Variants in GFRA2 observed in about 807,000 individuals in gnomAD.
The protein encoded by GFRA2 is GDNF family receptor alpha-2.
Under a neutral mutation model 48.3 loss-of-function variants are expected in GFRA2, and 17 were observed. The ratio of observed to expected loss-of-function variants is 0.35; its 90% CI spans 0.24 to 0.53. The LOEUF is 0.53. Ranked by LOEUF, GFRA2 falls within the 20% of genes least tolerant of loss-of-function variation. GFRA2 has a pLI of 0.93. For missense variants in GFRA2, 660 were observed against 637.3 expected (o/e 1.04, Z -0.38); for synonymous variants, 305 against 257.2 (o/e 1.19, Z -1.78).
intron 2 of GFRA2, among the ~76,000 whole-genome samples, chr8:21,800,502 C>T (rs1244814922): frequency 6.6e-6 from 1 of 152,250 alleles, no homozygotes; most frequent in Non-Finnish European, 1.5e-5. Flanking sequence ...TCTAACCCAT[C>T]TGCAAGTCCT....
intron 4 of GFRA2, among the ~76,000 whole-genome samples, chr8:21,725,833 G>A (rs1336087189): frequency 6.6e-6 from 1 of 152,222 alleles, no homozygotes; most frequent in Non-Finnish European, 1.5e-5. Context: ...TGTTGGGGCT[G>A]CTGTTCCAAC....
At chr8:21,786,235 G>A (rs1421746302) in intron 1 of GFRA2, among the ~76,000 whole-genome samples, 3 of 152,170 alleles carry the variant, frequency 2.0e-5, no homozygotes. Flanking sequence ...AGGAACCCCA[G>A]CCACTTCTGA....
At chr8:21,803,502 G>A (rs1430758095) in intron 2 of GFRA2, among the ~76,000 whole-genome samples, 4 of 152,046 alleles carry the variant, frequency 2.6e-5, no homozygotes, top group Non-Finnish European at 5.9e-5. Context: ...GCAATTCCTG[G>A]GCTACAGGAC....
intron 3 of GFRA2, among the ~76,000 whole-genome samples, chr8:21,760,091 T>A (rs1805826823): frequency 6.6e-6 from 1 of 151,980 alleles, no homozygotes. Context: ...ACGTTCCTAA[T>A]CAAAAGGAAG....
intron 4 of GFRA2, among the ~76,000 whole-genome samples, chr8:21,725,349 T>TCAAGAGGG (rs998505463): frequency 3.9e-5 from 6 of 152,122 alleles, no homozygotes; most frequent in Admixed American, 1.3e-4. Flanking sequence ...CTCGGTGGCT[T>TCAAGAGGG]CAAGAGGGCA....
At chr8:21,709,812 G>A (rs923362533) in intron 4 of GFRA2, among the ~76,000 whole-genome samples, 2 of 152,144 alleles carry the variant, frequency 1.3e-5, no homozygotes, top group Non-Finnish European at 1.5e-5. Context: ...TCAGGACCTC[G>A]ACTGGCCTCA....
intron 4 of GFRA2, among the ~76,000 whole-genome samples, chr8:21,707,455 C>A (rs975574696): frequency 6.6e-6 from 1 of 152,176 alleles, no homozygotes; most frequent in Non-Finnish European, 1.5e-5. Flanking sequence ...TGAGGGGGCC[C>A]CCACCATGCA....
intron 2 of GFRA2, among the ~76,000 whole-genome samples, chr8:21,777,105 C>A (rs922559053): frequency 2.4e-4 from 36 of 152,158 alleles, no homozygotes; most frequent in African/African-American, 7.5e-4. Flanking sequence ...TAAGGAGGAA[C>A]AAGGAGCACA....
intron 3 of GFRA2, among the ~76,000 whole-genome samples, chr8:21,758,844 C>G (rs977565484): frequency 6.6e-6 from 1 of 152,104 alleles, no homozygotes; most frequent in African/African-American, 2.4e-5. Flanking sequence ...AAGGAGCCCA[C>G]TCTGGTACTG....
At chr8:21,798,733 G>C (rs1025904295) in intron 2 of GFRA2, among the ~76,000 whole-genome samples, 3 of 152,194 alleles carry the variant, frequency 2.0e-5, no homozygotes, top group Non-Finnish European at 4.4e-5. Context: ...TTCGCTATCT[G>C]TTTCAGGATG....
chr8:21,756,895 C>G (rs989193857), intron 3 of GFRA2, among the ~76,000 whole-genome samples: 7 of 152,160 alleles, frequency 4.6e-5, no homozygotes, highest in African/African-American at 1.7e-4. Flanking sequence ...GAACTCAACA[C>G]GTGCTCCAGC....
At chr8:21,769,845 C>T (rs972758188) in intron 3 of GFRA2, among the ~76,000 whole-genome samples, 12 of 152,124 alleles carry the variant, frequency 7.9e-5, no homozygotes, top group Non-Finnish European at 1.8e-4. Flanking sequence ...CAAGGGGTAG[C>T]GTTTGAGTGC....
At chr8:21,698,033 A>G (rs1474412530) in intron 7 of GFRA2, among the ~76,000 whole-genome samples, 1 of 152,210 alleles carries the variant, frequency 6.6e-6, no homozygotes, top group Non-Finnish European at 1.5e-5. Context: ...CCTTCACAGC[A>G]GACGAATACA....
chr8:21,796,706 C>T (rs1476021216), intron 2 of GFRA2, among the ~76,000 whole-genome samples: 1 of 152,236 alleles, frequency 6.6e-6, no homozygotes, highest in Non-Finnish European at 1.5e-5. Flanking sequence ...TCCTTCCCCC[C>T]ACTGTCCCCA....
At chr8:21,716,041 G>A (rs951511478) in intron 4 of GFRA2, among the ~76,000 whole-genome samples, 1 of 151,910 alleles carries the variant, frequency 6.6e-6, no homozygotes, top group African/African-American at 2.4e-5. Context: ...AGAAACATTC[G>A]GCCAGGCGCG....
intron 4 of GFRA2, among the ~76,000 whole-genome samples, chr8:21,739,676 G>A (rs1804655265): frequency 6.6e-6 from 1 of 152,172 alleles, no homozygotes. Context: ...GGATGCCCAC[G>A]TGGAAGGCAG....
At chr8:21,712,716 C>T (rs1803116569) in intron 4 of GFRA2, among the ~76,000 whole-genome samples, 1 of 152,236 alleles carries the variant, frequency 6.6e-6, no homozygotes, top group African/African-American at 2.4e-5. Flanking sequence ...GCCTGGGCAC[C>T]ATTGAGCACT....
chr8:21,797,559 G>A (rs1287597484), intron 2 of GFRA2: 3 of 152,066 alleles, frequency 2.0e-5, no homozygotes, highest in African/African-American at 7.2e-5. Context: ...GGTCACCTAT[G>A]TTTACATCAT....
intron 3 of GFRA2, chr8:21,769,188 A>G (rs1806322980): frequency 2.0e-6 from 2 of 984,690 alleles, no homozygotes; most frequent in South Asian, 4.7e-5. Context: ...TCCGGAACAC[A>G]CAGAGCACTC....
Sources: allele counts gnomAD v4.1 joint callset (sites outside exome capture counted in the v4.1 genomes callset), GRCh38; gene constraint gnomAD v4.1.1; transcripts MANE v1.5; gene names NCBI Gene and HGNC (gene_info 2026-07-23, HGNC 2026-07-21).